THOC2: variants seen among roughly 807,000 people sequenced by gnomAD.
THOC2 encodes the protein THO complex 2.
In THOC2, 10 loss-of-function variants were observed where a neutral mutation model predicts 128.4. That is an observed-to-expected ratio of 0.08 (90% confidence interval 0.05 to 0.13). The LOEUF (loss-of-function observed/expected upper bound fraction) is 0.13, where lower values mean the gene tolerates loss of function less well. Ranked by LOEUF, THOC2 falls within the 10% of genes least tolerant of loss-of-function variation. The pLI is 1.00. For missense variants in THOC2, 535 were observed against 1,155.7 expected (o/e 0.46, Z 7.79); for synonymous variants, 393 against 396.9 (o/e 0.99, Z 0.12).
chrX:123,718,592 C>T (rs2051533305), intron 1 of THOC2, among the ~76,000 whole-genome samples: 1 of 111,208 alleles, frequency 9.0e-6, no homozygotes, highest in Non-Finnish European at 1.9e-5. Context: ...AAACCCTTCT[C>T]TACTAAAAAT....
At chrX:123,656,497 C>A (rs1259339967) in intron 12 of THOC2, among the ~76,000 whole-genome samples, 1 of 110,692 alleles carries the variant, frequency 9.0e-6, no homozygotes, top group Admixed American at 9.6e-5. Context: ...TCACTCGAGG[C>A]AAGGAGTTTT....
At chrX:123,668,574 T>C (rs2049138070) in intron 9 of THOC2, among the ~76,000 whole-genome samples, 1 of 112,053 alleles carries the variant, frequency 8.9e-6, no homozygotes, top group Non-Finnish European at 1.9e-5. Flanking sequence ...AGTAATGTAA[T>C]ACCACAACAG....
intron 1 of THOC2, among the ~76,000 whole-genome samples, chrX:123,722,897 G>A (rs947465640): frequency 5.4e-5 from 6 of 111,919 alleles, no homozygotes; most frequent in Non-Finnish European, 7.5e-5. Context: ...AAGAACTCCA[G>A]TACAGGCGTG....
intron 4 of THOC2, among the ~76,000 whole-genome samples, chrX:123,701,589 C>T (rs1027438292): frequency 1.8e-5 from 2 of 109,141 alleles, no homozygotes; most frequent in African/African-American, 6.7e-5. Context: ...TATCAAGGAA[C>T]AATAGCTTCC....
At chrX:123,654,940 G>C (rs1034062891) in intron 12 of THOC2, among the ~76,000 whole-genome samples, 11 of 109,727 alleles carry the variant, frequency 1.0e-4, no homozygotes, top group African/African-American at 3.6e-4. Flanking sequence ...GGTTTATTAG[G>C]AGGAGGGTTT....
intron 12 of THOC2, among the ~76,000 whole-genome samples, chrX:123,658,173 A>T (rs1364193991): frequency 9.0e-6 from 1 of 111,488 alleles, no homozygotes; most frequent in African/African-American, 3.3e-5. Context: ...ATCACTAAAA[A>T]ACTTAACCAA....
intron 3 of THOC2, among the ~76,000 whole-genome samples, chrX:123,705,003 T>TG (rs1248983807): frequency 8.9e-6 from 1 of 112,425 alleles, no homozygotes. Flanking sequence ...ATAGTTCACT[T>TG]ACTGCAGTTA....
At chrX:123,669,296 G>A (rs1395937418) in intron 9 of THOC2, among the ~76,000 whole-genome samples, 1 of 109,185 alleles carries the variant, frequency 9.2e-6, no homozygotes, top group Non-Finnish European at 1.9e-5. Context: ...TATACACCTG[G>A]CACAGGTCCT....
chrX:123,703,890 TAA>T lies in THOC2; in HGVS notation c.223-387_223-386del, dbSNP rs774877149. ...TGGGCAACAGAGGAAACTCTGTCTTTAAAAAAAAAAAAAAAAAAAAAAATTGA... is the reference window on the plus strand; with the variant it reads ...TGGGCAACAGAGGAAACTCTGTCTTTAAAAAAAAAAAAAAAAAAAAATTGA... On this transcript the variant is annotated intron_variant, in intron 3 of 38. Transcript: ENST00000245838. Among the ~76,000 whole-genome samples the T allele has an allele frequency of 4.1e-3, 152 of 37,013 alleles. 3 individuals are homozygous for T. In the South Asian group the frequency reaches 0.072, roughly 18 times the overall value. The allele number at this position is 37,013 out of a possible 115,157, so 32.1% of individuals were successfully genotyped here. A position where few individuals can be genotyped will look rare whatever the true frequency, so the allele number is the denominator to read the frequency against.
intron 7 of THOC2, among the ~76,000 whole-genome samples, chrX:123,694,606 TAAAAAAAAAAAA>T (rs140914528): frequency 1.5e-5 from 1 of 68,907 alleles, no homozygotes; most frequent in Non-Finnish European, 2.9e-5. Context: ...AGACTCCATC[TAAAAAAAAAAAA>T]AGAAAAAAAA....
chrX:123,675,192 TTTC>T (rs1476000310), intron 8 of THOC2, among the ~76,000 whole-genome samples: 1 of 111,884 alleles, frequency 8.9e-6, no homozygotes, highest in African/African-American at 3.2e-5. Context: ...CTACAGTGAA[TTTC>T]TTATTTCAGT....
At chrX:123,614,296 A>T (rs2046809378) in intron 33 of THOC2, 107 bp from the exon 34 acceptor site, 1 of 630,383 alleles carries the variant, frequency 1.6e-6, no homozygotes, top group Non-Finnish European at 2.2e-6. Flanking sequence ...CAAAGTAAAA[A>T]CTGGTCAGCT....
intron 19 of THOC2, among the ~76,000 whole-genome samples, chrX:123,635,089 C>G (rs2047623823): frequency 9.0e-6 from 1 of 111,415 alleles, no homozygotes; most frequent in Non-Finnish European, 1.9e-5. Context: ...GCCTTGCTTT[C>G]CTTAGTTTCG....
intron 12 of THOC2, among the ~76,000 whole-genome samples, chrX:123,656,377 T>G (rs2048585736): frequency 1.0e-5 from 1 of 99,116 alleles, no homozygotes; most frequent in Admixed American, 1.1e-4. Flanking sequence ...AGAGAGGAAC[T>G]TATGCTATTT....
In THOC2 at chrX:123,727,707, G is replaced by C. The variant is rs570737544; in HGVS notation, c.71+5245C>G. 2.5e-4 allele frequency among the ~76,000 whole-genome samples: 28 copies of C among 112,213 alleles called. 1 individual carries two copies. The South Asian group carries it at 0.01, about 42-fold the overall frequency. On this transcript the variant is annotated intron_variant, in intron 1 of 38. Coordinates refer to ENST00000245838, the MANE Select transcript of THOC2 (RefSeq NM_001081550.2). ...TCCTCCTGCCTCAGTTGCCCAAGTA[G>C]CTGGGATTACAGGTGTGTGCCACAG...
chrX:123,636,933 G>A (rs781146326), intron 18 of THOC2, among the ~76,000 whole-genome samples: 1 of 112,064 alleles, frequency 8.9e-6, no homozygotes, highest in South Asian at 3.8e-4. Flanking sequence ...AGGCTCCATG[G>A]GAATATAAAA....
At chrX:123,649,363 A>T (rs1359503504) in intron 12 of THOC2, among the ~76,000 whole-genome samples, 3 of 111,876 alleles carry the variant, frequency 2.7e-5, no homozygotes, top group Non-Finnish European at 3.8e-5. Context: ...CAGCACAAAA[A>T]GGCTGAAAAT....
rs765209194 is a variant in THOC2, at chrX:123,627,852, G to A, written c.2598C>T (p.Ser866=). The part of the protein sequence containing the change: ...VMAPVHEAVV[S]LHVSKVWDDI... ...CATCCCAGACTTTGGAAACATGTAA[G>A]GAGACCACTGCTTCATGGACAGGCG... The change falls in exon 23 of 39, where the codon TCC becomes TCT. Residue 866 remains serine (S), a synonymous_variant. Coordinates refer to ENST00000245838, the MANE Select transcript of THOC2 (RefSeq NM_001081550.2). 7 of 1,210,105 alleles carry A rather than the reference G, an allele frequency of 5.8e-6. No individual in the cohort carries two copies. The African/African-American group carries it at 1.0e-4, about 18-fold the overall frequency.
At chrX:123,698,029 T>G in intron 4 of THOC2, among the ~76,000 whole-genome samples, 1 of 109,633 alleles carries the variant, frequency 9.1e-6, no homozygotes, top group Non-Finnish European at 1.9e-5. Flanking sequence ...CTTCAAAAAC[T>G]ATTGTTCGCA....
Sources: gnomAD v4.1 joint callset for allele counts (sites outside exome capture counted in the v4.1 genomes callset) on GRCh38, gnomAD v4.1.1 for gene constraint, MANE v1.5 for transcripts, NCBI Gene and HGNC (gene_info 2026-07-23, HGNC 2026-07-21) for gene names.